PHF21B: variants seen among roughly 807,000 people sequenced by gnomAD.
PHF21B encodes PHD finger protein 21B.
A neutral mutation model predicts 62.2 loss-of-function variants in PHF21B; 22 were observed. The ratio of observed to expected loss-of-function variants is 0.35; its 90% CI spans 0.25 to 0.51. PHF21B has a LOEUF of 0.51. Ranked by LOEUF, PHF21B falls within the 20% of genes least tolerant of loss-of-function variation. The pLI is 0.97. For synonymous variants in PHF21B, 341 were observed against 314.7 expected, an observed-to-expected ratio of 1.08 and a Z score of -0.88; for missense variants, 701 against 707.9, an observed-to-expected ratio of 0.99 and a Z score of 0.11.
chr22:44,970,055 C>G (rs1049881731), intron 2 of PHF21B, among the ~76,000 whole-genome samples: 1 of 152,222 alleles, frequency 6.6e-6, no homozygotes, highest in Admixed American at 6.5e-5. Context: ...GATCACAGCT[C>G]CACGCTAGCA....
At chr22:44,921,369 TTC>T (rs1207574754) in intron 2 of PHF21B, among the ~76,000 whole-genome samples, 36 of 150,262 alleles carry the variant, frequency 2.4e-4, no homozygotes, top group Non-Finnish European at 3.9e-4. Context: ...CTTTTTTTTT[TTC>T]TTTTTTTTTT....
chr22:44,956,395 G>A lies in PHF21B; in HGVS notation c.121-35905C>T, dbSNP rs368191285. On this transcript the variant is annotated intron_variant, in intron 2 of 12. Coordinates refer to ENST00000313237, the MANE Select transcript of PHF21B (RefSeq NM_138415.5). Reference sequence around the variant, plus strand: ...TTTTCCTCATTACTCAACACTTAACGGGGTGACAGCCTGGATTAAACAGTA... The same window carrying A: ...TTTTCCTCATTACTCAACACTTAACAGGGTGACAGCCTGGATTAAACAGTA... Among the ~76,000 whole-genome samples, 17 of 152,256 alleles carry A rather than the reference G, an allele frequency of 1.1e-4. 1 individual carries two copies. The East Asian group carries it at 1.9e-3, about 17-fold the overall frequency.
chr22:44,885,850 A>G lies in PHF21B; in HGVS notation c.1273+13T>C, dbSNP rs760564083. 2 of 1,613,726 alleles carry G rather than the reference A, an allele frequency of 1.2e-6. No homozygotes were observed. Among genetic ancestry groups the G allele is most frequent in the East Asian group, 2.2e-5 (1 of 44,872 alleles). On this transcript the variant is annotated intron_variant, in intron 11 of 12. Coordinates refer to ENST00000313237, the MANE Select transcript of PHF21B (RefSeq NM_138415.5). The stretch of plus-strand genomic sequence containing the variant: ...GAGCAGGTACCCTTTTCCACTCCCC[A>G]GGGATGCCTCACCTGTCTTGTGGGT...
intron 7 of PHF21B, among the ~76,000 whole-genome samples, chr22:44,891,698 G>A (rs1409820468): frequency 3.9e-5 from 6 of 152,258 alleles, no homozygotes; most frequent in Admixed American, 3.9e-4. Flanking sequence ...TTCTCCACCT[G>A]TCTCCTGCCT....
At chr22:44,994,306 A>C (rs1317930660) in intron 2 of PHF21B, among the ~76,000 whole-genome samples, 2 of 152,218 alleles carry the variant, frequency 1.3e-5, no homozygotes, top group African/African-American at 2.4e-5. Context: ...CCTAAATCCC[A>C]TGACTGGCGA....
At position 44,889,779 on chromosome 22, in the gene PHF21B, T is replaced by C. The variant is rs778767857; in HGVS notation, c.1019A>G (p.Asn340Ser). 3 of 1,564,254 alleles carry C rather than the reference T, an allele frequency of 1.9e-6. No homozygotes were observed. The highest frequency in any genetic ancestry group is 1.7e-6 in the Non-Finnish European group (2 of 1,161,770). The change falls in exon 9 of 13, where the codon AAT becomes AGT. Residue 340 changes from asparagine (N) to serine (S), a missense_variant. Asn to Ser is a conservative substitution (Grantham distance 46). Coordinates refer to ENST00000313237, the MANE Select transcript of PHF21B (RefSeq NM_138415.5). Reference sequence around the variant, plus strand: ...ACGTACCTTCCAGCAGGGGTCCTCATTGGCTAGCACAGGGAAGAAGGGCGG... The same window carrying C: ...ACGTACCTTCCAGCAGGGGTCCTCACTGGCTAGCACAGGGAAGAAGGGCGG... ...NNPLFLTARA[N>S]EDPCWKNEIT...
At chr22:44,902,239 C>A in intron 5 of PHF21B, 1 of 204,650 alleles carries the variant, frequency 4.9e-6, no homozygotes, top group South Asian at 8.6e-5. Context: ...ACCCCAGACA[C>A]CAGAAAGGTG....
chr22:44,985,061 C>G (rs1279407998), intron 2 of PHF21B, among the ~76,000 whole-genome samples: 1 of 152,218 alleles, frequency 6.6e-6, no homozygotes, highest in Non-Finnish European at 1.5e-5. Context: ...TCCAGGAACA[C>G]AAGGAACTTC....
intron 2 of PHF21B, among the ~76,000 whole-genome samples, chr22:44,921,241 C>T (rs1601600713): frequency 6.6e-6 from 1 of 152,192 alleles, no homozygotes. Context: ...ATGGCACCCT[C>T]CCAGGAATTC....
intron 2 of PHF21B, among the ~76,000 whole-genome samples, chr22:44,934,766 A>C (rs1313759479): frequency 4.6e-5 from 7 of 152,108 alleles, no homozygotes; most frequent in African/African-American, 1.7e-4. Context: ...GATTCGTCCA[A>C]AGTCCCCACT....
At chr22:44,978,037 G>A (rs1164856439) in intron 2 of PHF21B, among the ~76,000 whole-genome samples, 2 of 152,282 alleles carry the variant, frequency 1.3e-5, no homozygotes, top group South Asian at 2.1e-4. Flanking sequence ...GTGCATACAT[G>A]TGCATATTTA....
chr22:45,008,976 C>T lies in PHF21B; in HGVS notation c.55-366G>A, dbSNP rs1396532635. 8 of 1,083,966 alleles carry T rather than the reference C, an allele frequency of 7.4e-6. No homozygotes were observed. The African/African-American group carries it at 1.3e-4, about 18-fold the overall frequency. 67.1% of individuals were successfully genotyped at this position (1,083,966 alleles called of 1,614,324 possible). A position where few individuals can be genotyped will look rare whatever the true frequency, so the allele number is the denominator to read the frequency against. On this transcript the variant is annotated intron_variant, in intron 1 of 12. Coordinates refer to ENST00000313237, the MANE Select transcript of PHF21B (RefSeq NM_138415.5). The stretch of plus-strand genomic sequence containing the variant: ...CCAAGTAAACACGGCGAGTCCGTGT[C>T]GAGCAAAGCTCATAAATATTCAAGT...
chr22:44,883,636 C>G (rs558961883), intron 12 of PHF21B, among the ~76,000 whole-genome samples: 4 of 152,132 alleles, frequency 2.6e-5, no homozygotes, highest in African/African-American at 7.2e-5. Flanking sequence ...GCCTCGGAGG[C>G]CTTTGGCTTC....
At chr22:44,974,551 C>T (rs867554122) in intron 2 of PHF21B, among the ~76,000 whole-genome samples, 4 of 152,168 alleles carry the variant, frequency 2.6e-5, no homozygotes, top group Non-Finnish European at 4.4e-5. Context: ...GTCCTACATC[C>T]GTGCAGCTTA....
chr22:44,896,880 G>GTTTTTT (rs56878868), intron 5 of PHF21B, among the ~76,000 whole-genome samples: 5 of 84,044 alleles, frequency 5.9e-5, no homozygotes, highest in East Asian at 3.4e-4. Flanking sequence ...AGTTTTATCT[G>GTTTTTT]TTTTTTTTTT....
intron 2 of PHF21B, among the ~76,000 whole-genome samples, chr22:44,954,497 T>C (rs1569251753): frequency 6.6e-6 from 1 of 152,230 alleles, no homozygotes; most frequent in East Asian, 1.9e-4. Flanking sequence ...TGCTCCACCC[T>C]AGCAGCTGGA....
intron 3 of PHF21B, among the ~76,000 whole-genome samples, chr22:44,919,076 T>C (rs963765149): frequency 5.9e-5 from 9 of 152,150 alleles, no homozygotes; most frequent in Non-Finnish European, 1.0e-4. Context: ...AGGGCCTAAC[T>C]CTACCTCAGC....
intron 2 of PHF21B, among the ~76,000 whole-genome samples, chr22:44,994,810 C>T (rs543906345): frequency 5.3e-5 from 8 of 152,310 alleles, no homozygotes; most frequent in African/African-American, 9.6e-5. Context: ...GATGTGCCAA[C>T]GTCCCCACTT....
chr22:44,887,156 C>G (rs78880995), intron 10 of PHF21B, among the ~76,000 whole-genome samples: 1 of 65,090 alleles, frequency 1.5e-5, no homozygotes, highest in Admixed American at 1.9e-4. Context: ...AACTCCATCT[C>G]AAAAAAAAAA....
Sources: allele counts gnomAD v4.1 joint callset (sites outside exome capture counted in the v4.1 genomes callset), GRCh38; gene constraint gnomAD v4.1.1; transcripts MANE v1.5; gene names NCBI Gene and HGNC (gene_info 2026-07-23, HGNC 2026-07-21).